ZNF717: variants seen among roughly 807,000 people sequenced by gnomAD.
The protein encoded by ZNF717 is krueppel-like factor X17.
Under a neutral mutation model 13.8 loss-of-function variants are expected in ZNF717, and 9 were observed. That is an observed-to-expected ratio of 0.65 (90% CI 0.39 to 1.14). The LOEUF (loss-of-function observed/expected upper bound fraction) is 1.14, where lower values mean the gene tolerates loss of function less well. Ranked by LOEUF, ZNF717 falls within the 50% of genes most tolerant of loss-of-function variation. ZNF717 has a pLI of 0.01. For synonymous variants in ZNF717, 327 were observed against 364.1 expected (o/e 0.90, Z 1.16); for missense variants, 1,040 against 1,080.7 (o/e 0.96, Z 0.53).
At chr3:75,770,380 G>T (rs147027845) in intron 2 of ZNF717, among the ~76,000 whole-genome samples, 25,359 of 152,138 alleles carry the variant, frequency 0.17, 2,101 homozygotes, top group African/African-American at 0.18. Flanking sequence ...GATCAAAACA[G>T]AGAAACCCCA....
chr3:75,774,777 C>T (rs776262572), intron 2 of ZNF717, among the ~76,000 whole-genome samples: 9 of 151,752 alleles, frequency 5.9e-5, no homozygotes, highest in South Asian at 2.1e-4. Context: ...CCCACCACCA[C>T]GCCTGGCTAA....
intron 6 of ZNF717, among the ~76,000 whole-genome samples, chr3:75,697,399 T>C (rs1280246101): frequency 3.9e-5 from 6 of 152,374 alleles, no homozygotes; most frequent in African/African-American, 1.4e-4. Flanking sequence ...CGGGGTGGAT[T>C]ACTCATAAAT....
At chr3:75,728,327 C>T (rs74899546), downstream of ZNF717, among the ~76,000 whole-genome samples, 45 of 143,816 alleles carry the variant, frequency 3.1e-4, no homozygotes, top group Middle Eastern at 0.011. Context: ...TATTTGCCAA[C>T]GTTAAGGATG....
At chr3:75,695,733 G>A (rs113063014) in intron 6 of ZNF717, among the ~76,000 whole-genome samples, 274 of 139,860 alleles carry the variant, frequency 2.0e-3, no homozygotes, top group Middle Eastern at 4.1e-3. Flanking sequence ...TTAGTAGGTC[G>A]ATAAAAAAGT....
At chr3:75,774,820 C>T (rs200562079) in intron 2 of ZNF717, among the ~76,000 whole-genome samples, 10 of 151,864 alleles carry the variant, frequency 6.6e-5, no homozygotes, top group Admixed American at 5.9e-4. Flanking sequence ...GGGGTTTCGC[C>T]GTGTTAGCCA....
Position 75,783,308 on chromosome 3 carries a change from G to A in ZNF717, c.55C>T (p.Leu19=). 8.4e-6 allele frequency: 13 copies of A among 1,549,958 alleles called. No homozygotes were observed. The highest frequency in any genetic ancestry group is 1.4e-5 in the African/African-American group (1 of 73,114). The change falls in exon 2 of 5, where the codon CTG becomes TTG. Residue 19 remains leucine (L), a splice_region_variant and synonymous_variant. Transcript: ENST00000652011. The part of the protein sequence containing the change: ...FQELQEKNKS[L]ELVSFEEVAV... ...TGAAGAACAAATAAACAACTCACCAGAGATTTATTCTTTTCTTGTAGCTCT... is the reference window on the plus strand; with the variant it reads ...TGAAGAACAAATAAACAACTCACCAAAGATTTATTCTTTTCTTGTAGCTCT...
At chr3:75,763,069 AC>A (rs1943164423) in intron 2 of ZNF717, among the ~76,000 whole-genome samples, 2 of 152,240 alleles carry the variant, frequency 1.3e-5, no homozygotes, top group Admixed American at 1.3e-4. Flanking sequence ...TAAATGTGAA[AC>A]TAGAATTATC....
In ZNF717 at chr3:75,695,026, T is replaced by A. The variant is rs1189092838; in HGVS notation, n.1086-15875A>T. On this transcript the variant is annotated intron_variant and non_coding_transcript_variant, in intron 6 of 6. Coordinates refer to the ZNF717 transcript ENST00000648506. ...AATGTAAATGAACTAAATATTCCAG[T>A]CAAAAGAAAAATAGTGGATGAACGG... Among the ~76,000 whole-genome samples the A allele has an allele frequency of 5.3e-3, 800 of 152,204 alleles. 2 individuals carry two copies. Among genetic ancestry groups the A allele is most frequent in the African/African-American group, 0.015 (630 of 41,560 alleles).
intron 2 of ZNF717, among the ~76,000 whole-genome samples, chr3:75,778,372 T>C (rs1944504502): frequency 6.7e-6 from 1 of 149,668 alleles, no homozygotes; most frequent in South Asian, 2.1e-4. Flanking sequence ...CCCAAAACAA[T>C]GGGAGTGATC....
intron 2 of ZNF717, among the ~76,000 whole-genome samples, chr3:75,771,299 TC>T (rs1484095911): frequency 1.3e-5 from 2 of 152,214 alleles, no homozygotes; most frequent in Admixed American, 1.3e-4. Flanking sequence ...ACTTCAGATT[TC>T]TGTACATCAC....
intron 4 of ZNF717, among the ~76,000 whole-genome samples, chr3:75,723,012 G>T (rs1377456614): frequency 5.9e-5 from 9 of 151,906 alleles, no homozygotes; most frequent in Non-Finnish European, 8.8e-5. Flanking sequence ...ATATTGGCAT[G>T]GCCATTGGGA....
intron 5 of ZNF717, among the ~76,000 whole-genome samples, chr3:75,713,761 GAAGAA>G (rs1436038790): frequency 6.6e-6 from 1 of 152,096 alleles, no homozygotes; most frequent in Non-Finnish European, 1.5e-5. Flanking sequence ...CAAAGAGAAA[GAAGAA>G]AAGACAGCTG....
At chr3:75,724,016 G>A (rs1275608043) in intron 4 of ZNF717, among the ~76,000 whole-genome samples, 1 of 151,984 alleles carries the variant, frequency 6.6e-6, no homozygotes, top group Non-Finnish European at 1.5e-5. Flanking sequence ...AGCAGAATTA[G>A]TGAAAGTACT....
intron 2 of ZNF717, among the ~76,000 whole-genome samples, chr3:75,758,340 A>C (rs1942677968): frequency 6.6e-6 from 1 of 152,128 alleles, no homozygotes; most frequent in African/African-American, 2.4e-5. Context: ...ATGAGCAAAG[A>C]AAGTAGTTTC....
At chr3:75,743,524 GGTCCA>G (rs1465788062) in intron 2 of ZNF717, among the ~76,000 whole-genome samples, 1 of 152,154 alleles carries the variant, frequency 6.6e-6, no homozygotes, top group Non-Finnish European at 1.5e-5. Context: ...TAAATAAGGA[GGTCCA>G]GTAAGGACAG....
intron 6 of ZNF717, among the ~76,000 whole-genome samples, chr3:75,696,388 A>T (rs1353491762): frequency 1.3e-5 from 2 of 152,422 alleles, no homozygotes; most frequent in African/African-American, 4.8e-5. Context: ...TGAGGCTAGT[A>T]TTACCCTGAT....
At chr3:75,697,119 G>A (rs1293134575) in intron 6 of ZNF717, among the ~76,000 whole-genome samples, 7 of 152,168 alleles carry the variant, frequency 4.6e-5, no homozygotes, top group African/African-American at 1.7e-4. Flanking sequence ...AAATCTGGAA[G>A]ATGACAAGAA....
At chr3:75,755,178 T>C in intron 2 of ZNF717, among the ~76,000 whole-genome samples, 1 of 124,756 alleles carries the variant, frequency 8.0e-6, no homozygotes, top group East Asian at 2.4e-4. Context: ...AGGAGACCTG[T>C]CTTGCAAGAA....
chr3:75,755,723 A>T (rs564413360), intron 2 of ZNF717, among the ~76,000 whole-genome samples: 17 of 53,920 alleles, frequency 3.2e-4, no homozygotes, highest in Middle Eastern at 0.022. Context: ...AAAAAGTTTT[A>T]AAAAAAAGAA....
Sources: gnomAD v4.1 joint callset for allele counts (sites outside exome capture counted in the v4.1 genomes callset) on GRCh38, gnomAD v4.1.1 for gene constraint, MANE v1.5 for transcripts, NCBI Gene and HGNC (gene_info 2026-07-23, HGNC 2026-07-21) for gene names.